ACKR4: variants seen among roughly 807,000 people sequenced by gnomAD.
The protein encoded by ACKR4 is C-C CKR-11.
A neutral mutation model predicts 8.5 loss-of-function variants in ACKR4; 2 were observed. The observed-to-expected ratio is 0.23, with a 90% CI of 0.10 to 0.74. ACKR4 has a LOEUF of 0.74. Ranked by LOEUF, ACKR4 falls within the 30% of genes least tolerant of loss-of-function variation. The probability of loss-of-function intolerance (pLI) is 0.75; values close to 1 mark genes in which losing one functional copy is unlikely to be tolerated. For synonymous variants in ACKR4, 67 were observed against 145.0 expected, an observed-to-expected ratio of 0.46 and a Z score of 3.86; for missense variants, 167 against 422.1, an observed-to-expected ratio of 0.40 and a Z score of 5.30.
intron 1 of ACKR4, among the ~76,000 whole-genome samples, chr3:132,598,574 T>C (rs1018070623): frequency 6.6e-6 from 1 of 152,172 alleles, no homozygotes; most frequent in African/African-American, 2.4e-5. Flanking sequence ...CTGAGGGGTA[T>C]GTAGAGATTG....
chr3:132,601,227 T>C lies in ACKR4; in HGVS notation c.830T>C (p.Met277Thr), dbSNP rs1938578028. Residue 277 changes from methionine to threonine, a missense_variant, in exon 2 of 2, where the codon ATG becomes ACG. Met to Thr is a moderately conservative substitution (Grantham distance 81). Around this residue, in one of 2 missense-constraint regions of ACKR4, gnomAD observed 18 missense variants for 140.2 expected, o/e 0.13. Transcript: ENST00000249887. ...TACTCCCTGATCACCAGCTGCAACATGAGCAAACGCATGGACATCGCCATC... is the reference window on the plus strand; with the variant it reads ...TACTCCCTGATCACCAGCTGCAACACGAGCAAACGCATGGACATCGCCATC... ...IIYSLITSCNMSKRMDIAIQV... is the reference protein window; with the variant it reads ...IIYSLITSCNTSKRMDIAIQV... 1.2e-6 allele frequency: 2 copies of C among 1,613,910 alleles called. No homozygotes were observed. Among genetic ancestry groups the C allele is most frequent in the Non-Finnish European group, 1.7e-6 (2 of 1,179,850 alleles).
chr3:132,599,073 G>C (rs942624090), intron 1 of ACKR4, among the ~76,000 whole-genome samples: 4 of 152,150 alleles, frequency 2.6e-5, no homozygotes, highest in African/African-American at 9.7e-5. Context: ...AACTCTTTGC[G>C]AGGCCAAGGC....
chr3:132,598,308 C>A (rs1319437824), intron 1 of ACKR4, among the ~76,000 whole-genome samples: 2 of 152,132 alleles, frequency 1.3e-5, no homozygotes, highest in African/African-American at 4.8e-5. Flanking sequence ...GTGCTAGTAG[C>A]CAACATAGTG....
chr3:132,600,876 G>C lies in ACKR4; in HGVS notation c.479G>C (p.Cys160Ser). The change falls in exon 2 of 2, where the codon TGT becomes TCT. Residue 160 changes from cysteine (C) to serine (S), a missense_variant. Transcript: ENST00000249887. ...AAACCATGCTGGATCATCTGTTTCT[G>C]TGTCTGGATGGCTGCCATCTTGCTG... ...VGKPCWIICF[C>S]VWMAAILLSI... The C allele has an allele frequency of 6.2e-7, 1 of 1,613,844 alleles. No individual in the cohort carries two copies. Among genetic ancestry groups the C allele is most frequent in the Non-Finnish European group, 8.5e-7 (1 of 1,179,840 alleles).
chr3:132,600,034 TTTAG>T (rs1938499053), intron 1 of ACKR4, among the ~76,000 whole-genome samples: 1 of 152,228 alleles, frequency 6.6e-6, no homozygotes, highest in African/African-American at 2.4e-5. Flanking sequence ...ATTTATTCTT[TTTAG>T]TTAAAATCTA....
chr3:132,600,747 C>G lies in ACKR4; in HGVS notation c.350C>G (p.Ala117Gly), dbSNP rs374837439. Residue 117 changes from alanine to glycine, a missense_variant, in exon 2 of 2, where the codon GCC becomes GGC. Physicochemically the swap from Ala to Gly is moderately conservative, Grantham distance 60. Transcript: ENST00000249887. ...LGKIMCKITS[A>G]LYTLNFVSGM... ...AAAATAATGTGCAAAATAACTTCAG[C>G]CTTGTACACACTAAACTTTGTCTCT... is the stretch of plus-strand genomic sequence containing the variant. 2.4e-5 allele frequency: 38 copies of G among 1,613,850 alleles called. No individual in the cohort carries two copies. Among genetic ancestry groups the G allele is most frequent in the Non-Finnish European group, 3.2e-5 (38 of 1,179,852 alleles).
In ACKR4 at chr3:132,601,246, C is replaced by A; in HGVS notation, c.849C>A (p.Ile283=). 1 of 1,613,998 alleles carries A rather than the reference C, an allele frequency of 6.2e-7. No individual in the cohort carries two copies. The highest frequency in any genetic ancestry group is 1.1e-5 in the South Asian group (1 of 91,070). ...GCAACATGAGCAAACGCATGGACAT[C>A]GCCATCCAAGTCACAGAAAGCATCG... ...TSCNMSKRMD[I]AIQVTESIAL... Residue 283 remains isoleucine (I), a synonymous_variant, in exon 2 of 2, where the codon ATC becomes ATA. Coordinates refer to ENST00000249887, the MANE Select transcript of ACKR4 (RefSeq NM_016557.4).
Position 132,600,862 on chromosome 3 carries a change from G to C in ACKR4, c.465G>C (p.Trp155Cys), listed in dbSNP as rs1285064264. The C allele has an allele frequency of 5.6e-6, 9 of 1,613,816 alleles. No homozygotes were observed. Among genetic ancestry groups the C allele is most frequent in the Admixed American group, 3.3e-5 (2 of 59,992 alleles). The change falls in exon 2 of 2, where the codon TGG (tryptophan) becomes TGC (cysteine). Residue 155 changes from tryptophan to cysteine, a missense_variant. By Grantham distance (215) the Trp-to-Cys change is radical. Coordinates refer to ENST00000249887, the MANE Select transcript of ACKR4 (RefSeq NM_016557.4). Reference sequence around the variant, plus strand: ...AATCAGGAGTGGGAAAACCATGCTGGATCATCTGTTTCTGTGTCTGGATGG... The same window carrying C: ...AATCAGGAGTGGGAAAACCATGCTGCATCATCTGTTTCTGTGTCTGGATGG... ...PSQSGVGKPC[W>C]IICFCVWMAA...
At chr3:132,599,737 A>T (rs1025596511) in intron 1 of ACKR4, among the ~76,000 whole-genome samples, 1 of 152,106 alleles carries the variant, frequency 6.6e-6, no homozygotes, top group African/African-American at 2.4e-5. Flanking sequence ...GATGATTAGA[A>T]GATAGTGGTG....
chr3:132,599,171 A>G (rs1241267072), intron 1 of ACKR4, among the ~76,000 whole-genome samples: 1 of 152,112 alleles, frequency 6.6e-6, no homozygotes, highest in African/African-American at 2.4e-5. Context: ...AAAGTTATAC[A>G]GACTCATAAC....
chr3:132,598,951 G>C (rs537075986), intron 1 of ACKR4, among the ~76,000 whole-genome samples: 1 of 152,280 alleles, frequency 6.6e-6, no homozygotes, highest in Non-Finnish European at 1.5e-5. Flanking sequence ...AAATACTCTG[G>C]TGGAAGTAAG....
rs1938654889 is a variant in ACKR4, at chr3:132,602,500, T to C, written c.*1050T>C. Among the ~76,000 whole-genome samples the C allele has an allele frequency of 6.6e-6, 1 of 152,140 alleles. No individual in the cohort carries two copies. Among genetic ancestry groups the C allele is most frequent in the African/African-American group, 2.4e-5 (1 of 41,440 alleles). On this transcript the variant is annotated 3_prime_UTR_variant, in exon 2 of 2. Transcript: ENST00000249887. ...TTCATTTAAACACTTTATTTTTGAG[T>C]AATAAAAATATGTACCACAATAAAT...
intron 1 of ACKR4, 68 bp from the exon 2 acceptor site, chr3:132,600,321 T>C: frequency 7.5e-7 from 1 of 1,330,278 alleles, no homozygotes; most frequent in Non-Finnish European, 1.0e-6. Context: ...CAAAACAGCT[T>C]GATAAAAACT....
chr3:132,601,293 A>G lies in ACKR4; in HGVS notation c.896A>G (p.Asn299Ser). Residue 299 changes from asparagine (N) to serine (S), a missense_variant, in exon 2 of 2, where the codon AAC (asparagine) becomes AGC (serine). This residue lies in a region of ACKR4 where 18 missense variants were observed against 140.2 expected (regional missense o/e 0.13). Transcript: ENST00000249887. The part of the protein sequence containing the change: ...ESIALFHSCL[N>S]PILYVFMGAS... ...ATCGCACTCTTTCACAGCTGCCTCA[A>G]CCCAATCCTTTATGTTTTTATGGGA... The G allele has an allele frequency of 6.2e-7, 1 of 1,613,878 alleles. No individual in the cohort carries two copies. Among genetic ancestry groups the G allele is most frequent in the Non-Finnish European group, 8.5e-7 (1 of 1,179,834 alleles).
chr3:132,600,030 T>A (rs572292281), intron 1 of ACKR4, among the ~76,000 whole-genome samples: 2 of 152,348 alleles, frequency 1.3e-5, no homozygotes, highest in South Asian at 2.1e-4. Flanking sequence ...CACTATTTAT[T>A]CTTTTTAGTT....
intron 1 of ACKR4, among the ~76,000 whole-genome samples, chr3:132,598,641 T>C (rs1433391851): frequency 2.6e-5 from 4 of 152,154 alleles, no homozygotes; most frequent in Non-Finnish European, 5.9e-5. Context: ...TGAGTAGGAA[T>C]TGGCCCTTCC....
chr3:132,597,431 G>T, intron 1 of ACKR4, 108 bp downstream of exon 1: 1 of 146,776 alleles, frequency 6.8e-6, no homozygotes, highest in Non-Finnish European at 1.5e-5. Context: ...AAGTTTAAAT[G>T]CTTACTTGTA....
intron 1 of ACKR4, among the ~76,000 whole-genome samples, chr3:132,598,148 T>C (rs1489562882): frequency 1.3e-5 from 2 of 152,140 alleles, no homozygotes; most frequent in East Asian, 3.8e-4. Flanking sequence ...ATATTTGAGA[T>C]ACTTCAGAGG....
In ACKR4 at chr3:132,602,517, A is replaced by G. The variant is rs991509009; in HGVS notation, c.*1067A>G. On this transcript the variant is annotated 3_prime_UTR_variant, in exon 2 of 2. Coordinates refer to ENST00000249887, the MANE Select transcript of ACKR4 (RefSeq NM_016557.4). Reference sequence around the variant, plus strand: ...TTTTTGAGTAATAAAAATATGTACCACAATAAATTATTGTTAATTAACATG... The same window carrying G: ...TTTTTGAGTAATAAAAATATGTACCGCAATAAATTATTGTTAATTAACATG... Among the ~76,000 whole-genome samples the G allele has an allele frequency of 1.3e-4, 20 of 152,188 alleles. No individual in the cohort carries two copies. Among genetic ancestry groups the G allele is most frequent in the Middle Eastern group, 3.2e-3 (1 of 316 alleles).
Sources: allele counts gnomAD v4.1 joint callset (sites outside exome capture counted in the v4.1 genomes callset), GRCh38; gene constraint gnomAD v4.1.1; regional missense constraint gnomAD v4.1.1; transcripts MANE v1.5; gene names NCBI Gene and HGNC (gene_info 2026-07-23, HGNC 2026-07-21).